The following SLC7A2 variants were observed in gnomAD, a reference collection of about 807,000 sequenced individuals.
SLC7A2 encodes solute carrier family 7 member 2, also known as cationic amino acid transporter 2.
In SLC7A2, 48 loss-of-function variants were observed where a neutral mutation model predicts 58.9. The ratio of observed to expected loss-of-function variants is 0.82; its 90% CI spans 0.65 to 1.04. The LOEUF is 1.04. SLC7A2 is among the 50% of genes least tolerant of loss of function. The probability of loss-of-function intolerance (pLI) is 0.00; values close to 1 mark genes in which losing one functional copy is unlikely to be tolerated. For missense variants in SLC7A2, 1,029 were observed against 818.8 expected, an observed-to-expected ratio of 1.26 and a Z score of -3.13; for synonymous variants, 363 against 314.5, an observed-to-expected ratio of 1.15 and a Z score of -1.63.
At chr8:17,554,767 A>G in intron 8 of SLC7A2, 68 bp downstream of exon 8, 1 of 1,498,808 alleles carries the variant, frequency 6.7e-7, no homozygotes, top group South Asian at 1.3e-5. Context: ...CATTAAAAAT[A>G]CAAAGCTAGG....
chr8:17,564,619 G>C (rs1803175983), intron 12 of SLC7A2, among the ~76,000 whole-genome samples: 1 of 152,110 alleles, frequency 6.6e-6, no homozygotes, highest in South Asian at 2.1e-4. Context: ...AAGGAGCATG[G>C]AACCTAGATC....
At chr8:17,550,155 G>A in intron 5 of SLC7A2, 146 bp from the exon 6 acceptor site, 2 of 712,184 alleles carry the variant, frequency 2.8e-6, no homozygotes, top group Non-Finnish European at 4.6e-6. Context: ...AGCACAGGGT[G>A]AGAGAGTAAA....
chr8:17,507,642 C>T (rs1224687563), intron 2 of SLC7A2, among the ~76,000 whole-genome samples: 3 of 152,048 alleles, frequency 2.0e-5, no homozygotes, highest in African/African-American at 7.3e-5. Context: ...TTGAAATATT[C>T]TGTGTCCTAT....
chr8:17,514,565 T>G (rs561814932), intron 2 of SLC7A2, among the ~76,000 whole-genome samples: 44 of 152,168 alleles, frequency 2.9e-4, no homozygotes, highest in African/African-American at 9.4e-4. Context: ...AAATGTAAGT[T>G]GTTCAGGTTT....
chr8:17,529,778 C>T (rs1394917429), intron 2 of SLC7A2, among the ~76,000 whole-genome samples: 1 of 152,080 alleles, frequency 6.6e-6, no homozygotes, highest in African/African-American at 2.4e-5. Context: ...CTCAAGTAAT[C>T]CGCCCACCTT....
chr8:17,543,190 A>ACG, intron 2 of SLC7A2, 128 bp from the exon 3 acceptor site: 1 of 123,938 alleles, frequency 8.1e-6, no homozygotes, highest in Non-Finnish European at 1.3e-5. Context: ...AACAAGTGAA[A>ACG]CACACACACA....
intron 2 of SLC7A2, among the ~76,000 whole-genome samples, chr8:17,526,560 ATG>A (rs1205930794): frequency 6.6e-6 from 1 of 152,038 alleles, no homozygotes; most frequent in East Asian, 1.9e-4. Context: ...GAATTTTTAG[ATG>A]TGTGTGTGTG....
intron 10 of SLC7A2, among the ~76,000 whole-genome samples, chr8:17,560,889 A>C (rs1327842161): frequency 6.6e-6 from 1 of 152,182 alleles, no homozygotes; most frequent in Non-Finnish European, 1.5e-5. Flanking sequence ...ATAATATAGA[A>C]AATCCTTGTT....
intron 2 of SLC7A2, among the ~76,000 whole-genome samples, chr8:17,515,081 T>C (rs150965138): frequency 0.013 from 1,982 of 152,294 alleles, 33 homozygotes; most frequent in South Asian, 0.035. Context: ...GACTTTATAG[T>C]TGCTAACACT....
intron 2 of SLC7A2, among the ~76,000 whole-genome samples, chr8:17,516,296 G>T (rs1585196078): frequency 1.3e-5 from 2 of 152,046 alleles, no homozygotes; most frequent in East Asian, 3.9e-4. Flanking sequence ...CAAGATCTCG[G>T]CTCACTGCAA....
intron 2 of SLC7A2, among the ~76,000 whole-genome samples, chr8:17,504,925 T>C (rs1800303321): frequency 6.6e-6 from 1 of 152,148 alleles, no homozygotes; most frequent in African/African-American, 2.4e-5. Context: ...GAGCTCCTCC[T>C]CCTTTACTCC....
At chr8:17,546,840 A>G (rs1302969097) in intron 4 of SLC7A2, among the ~76,000 whole-genome samples, 1 of 152,170 alleles carries the variant, frequency 6.6e-6, no homozygotes, top group Non-Finnish European at 1.5e-5. Context: ...ATGGTAAAAG[A>G]TAAACTTTCT....
At position 17,555,094 on chromosome 8, in the gene SLC7A2, A is replaced by C. The variant is rs749953235; in HGVS notation, c.1195+395A>C. ...AGGGGTCATTTCTGGTAAGCTTTACAAACTTAGGTTTCTTGAGCATTAGAC... is the reference window on the plus strand; with the variant it reads ...AGGGGTCATTTCTGGTAAGCTTTACCAACTTAGGTTTCTTGAGCATTAGAC... On this transcript the variant is annotated intron_variant, in intron 8 of 12. Coordinates refer to ENST00000494857, the MANE Select transcript of SLC7A2 (RefSeq NM_001370338.1). The C allele has an allele frequency of 3.1e-6, 5 of 1,613,066 alleles. No individual in the cohort carries two copies. In the South Asian group the frequency reaches 5.5e-5, roughly 18 times the overall value.
In SLC7A2 at chr8:17,562,020, C is replaced by A. The variant is rs139462829; in HGVS notation, c.1581C>A (p.Leu527=). 4.3e-6 allele frequency: 7 copies of A among 1,614,010 alleles called. No homozygotes were observed. The Admixed American group carries it at 1.2e-4, about 27-fold the overall frequency. Residue 527 remains leucine (L), a synonymous_variant, in exon 11 of 13, where the codon CTC becomes CTA. Coordinates refer to ENST00000494857, the MANE Select transcript of SLC7A2 (RefSeq NM_001370338.1). Reference sequence around the variant, plus strand: ...TCACCAGGCTGGAGGCCTGGAGCCTCGCTCTCCTCGCGCTGTTTCTTGTTC... The same window carrying A: ...TCACCAGGCTGGAGGCCTGGAGCCTAGCTCTCCTCGCGCTGTTTCTTGTTC... ...HAITRLEAWS[L]ALLALFLVLF...
rs113523739 is a variant in SLC7A2 at position 17,518,520 on chromosome 8, C to T, written c.-23+16218C>T. 3.7e-3 allele frequency among the ~76,000 whole-genome samples: 563 copies of T among 152,142 alleles called. 4 individuals carry two copies. The highest frequency in any genetic ancestry group is 6.8e-3 in the Non-Finnish European group (462 of 68,034). ...TCATCAGAGCACTCTCCTTCCTCAG[C>T]CTAGTGTTCATCATGGGAAATTCTG... On this transcript the variant is annotated intron_variant, in intron 2 of 12. Coordinates refer to ENST00000494857, the MANE Select transcript of SLC7A2 (RefSeq NM_001370338.1).
chr8:17,547,119 A>G (rs1470109510), intron 4 of SLC7A2, among the ~76,000 whole-genome samples: 3 of 152,196 alleles, frequency 2.0e-5, no homozygotes, highest in African/African-American at 4.8e-5. Context: ...CCATTTTCAT[A>G]CTGCTATGAA....
Position 17,565,487 on chromosome 8 carries a change from C to T in SLC7A2, c.*341C>T, listed in dbSNP as rs529661284. 3 of 199,144 alleles carry T rather than the reference C, an allele frequency of 1.5e-5. No homozygotes were observed. Among genetic ancestry groups the T allele is most frequent in the East Asian group, 1.2e-4 (1 of 8,060 alleles). The allele number at this position is 199,144 out of a possible 1,614,324, so 12.3% of individuals were successfully genotyped here. ...TTATTGTGTTACATTTTTCCAGTGT[C>T]GTCATTAATCGGTGGCATATACTGC... On this transcript the variant is annotated 3_prime_UTR_variant, in exon 13 of 13. Transcript: ENST00000494857.
At chr8:17,508,476 C>T (rs1467148511) in intron 2 of SLC7A2, among the ~76,000 whole-genome samples, 3 of 152,174 alleles carry the variant, frequency 2.0e-5, no homozygotes, top group Non-Finnish European at 4.4e-5. Context: ...GTAATCCCAG[C>T]ACTTTGGGAG....
chr8:17,560,241 A>C, intron 9 of SLC7A2, 87 bp from the exon 10 acceptor site: 1 of 896,094 alleles, frequency 1.1e-6, no homozygotes, highest in Non-Finnish European at 1.8e-6. Context: ...ACTCTGTATG[A>C]TGTCTTACTT....
Sources: allele counts gnomAD v4.1 joint callset (sites outside exome capture counted in the v4.1 genomes callset), GRCh38; gene constraint gnomAD v4.1.1; transcripts MANE v1.5; gene names NCBI Gene and HGNC (gene_info 2026-07-23, HGNC 2026-07-21).